ARID1B: variants seen among roughly 807,000 people sequenced by gnomAD.
The protein encoded by ARID1B is AT-rich interactive domain-containing protein 1B.
In ARID1B, 30 loss-of-function variants were observed where a neutral mutation model predicts 212.3. The observed-to-expected ratio is 0.14, with a 90% CI of 0.11 to 0.19. The LOEUF is 0.19. Ranked by LOEUF, ARID1B falls within the 10% of genes least tolerant of loss-of-function variation. The probability of loss-of-function intolerance (pLI) is 1.00; values close to 1 mark genes in which losing one functional copy is unlikely to be tolerated. For synonymous variants in ARID1B, 1,402 were observed against 1,301.7 expected (o/e 1.08, Z -1.66); for missense variants, 2,891 against 3,204.0 (o/e 0.90, Z 2.36).
chr6:156,945,456 C>T (rs1345544939), intron 4 of ARID1B, among the ~76,000 whole-genome samples: 1 of 151,810 alleles, frequency 6.6e-6, no homozygotes, highest in African/African-American at 2.4e-5. Context: ...GCCTGGGGAC[C>T]ACCGAGTGTG....
chr6:156,928,417 T>TTGG (rs908724534), intron 3 of ARID1B, among the ~76,000 whole-genome samples: 5 of 152,112 alleles, frequency 3.3e-5, no homozygotes, highest in African/African-American at 4.8e-5. Flanking sequence ...GCAATCTCAT[T>TTGG]TGGGTGCTCT....
Position 157,148,595 on chromosome 6 carries a change from G to A in ARID1B, c.2762-29G>A. ...ATGTTGTCACAAGTTTAAATAAAAG[G>A]CTTTACTTTGTGTTTGCTTTTTGTT... is the stretch of plus-strand genomic sequence containing the variant. On this transcript the variant is annotated intron_variant, in intron 7 of 19. Coordinates refer to ENST00000636930, the MANE Select transcript of ARID1B (RefSeq NM_001374828.1). This position sits in a 1 kb window ranked among gnomAD's most constrained non-coding sequence, Gnocchi z 5.6. 2 of 1,567,592 alleles carry A rather than the reference G, an allele frequency of 1.3e-6. No homozygotes were observed. The highest frequency in any genetic ancestry group is 1.1e-5 in the South Asian group (1 of 87,394).
At chr6:156,815,360 A>G (rs1378684275) in intron 1 of ARID1B, among the ~76,000 whole-genome samples, 1 of 152,222 alleles carries the variant, frequency 6.6e-6, no homozygotes, top group Admixed American at 6.5e-5. Context: ...TGGTATATTA[A>G]TTCACTTAGC....
At chr6:157,015,238 T>C (rs6913825) in intron 4 of ARID1B, among the ~76,000 whole-genome samples, 68,256 of 152,084 alleles carry the variant, frequency 0.45, 16,104 homozygotes, top group East Asian at 0.66. Flanking sequence ...CAAGGAGAAA[T>C]GGATAAGTCC....
intron 13 of ARID1B, among the ~76,000 whole-genome samples, chr6:157,187,999 C>G (rs1793098945): frequency 6.6e-6 from 1 of 152,112 alleles, no homozygotes; most frequent in African/African-American, 2.4e-5. Flanking sequence ...CAAAAGACGG[C>G]TTTCTTCCTT....
intron 4 of ARID1B, among the ~76,000 whole-genome samples, chr6:157,081,968 G>A (rs1460626572): frequency 6.6e-6 from 1 of 151,764 alleles, no homozygotes; most frequent in Non-Finnish European, 1.5e-5. Flanking sequence ...CCTATTTCCT[G>A]CCTGATGGCT....
intron 4 of ARID1B, among the ~76,000 whole-genome samples, chr6:157,050,331 G>T (rs1296456078): frequency 2.0e-5 from 3 of 152,188 alleles, no homozygotes; most frequent in Non-Finnish European, 4.4e-5. Flanking sequence ...GGGTCATGAG[G>T]TCAGGAGTTT....
At chr6:156,791,493 C>G (rs1265787887) in intron 1 of ARID1B, among the ~76,000 whole-genome samples, 3 of 152,230 alleles carry the variant, frequency 2.0e-5, no homozygotes, top group African/African-American at 7.2e-5. Context: ...TTCTTAACCT[C>G]TTTGACTGAA....
chr6:157,098,771 T>G (rs1180103949), intron 5 of ARID1B, among the ~76,000 whole-genome samples: 1 of 152,188 alleles, frequency 6.6e-6, no homozygotes, highest in East Asian at 1.9e-4. Flanking sequence ...GAGTCGGTCC[T>G]GAGTGGAGTG....
intron 1 of ARID1B, among the ~76,000 whole-genome samples, chr6:156,798,126 C>CGGGGT (rs752563077): frequency 9.9e-5 from 15 of 152,182 alleles, no homozygotes; most frequent in Admixed American, 1.3e-4. Context: ...GGAAGAGGAG[C>CGGGGT]GGGGTGTTTG....
At chr6:156,891,202 G>T (rs1007232864) in intron 2 of ARID1B, among the ~76,000 whole-genome samples, 1 of 152,196 alleles carries the variant, frequency 6.6e-6, no homozygotes, top group African/African-American at 2.4e-5. Context: ...TGTCTCTTAT[G>T]CATGAAAAAT....
chr6:156,961,509 G>A (rs1326400030), intron 4 of ARID1B, among the ~76,000 whole-genome samples: 1 of 152,184 alleles, frequency 6.6e-6, no homozygotes, highest in Non-Finnish European at 1.5e-5. Flanking sequence ...GGTCCGCTGC[G>A]TTGCGCGGGC....
intron 6 of ARID1B, among the ~76,000 whole-genome samples, chr6:157,128,695 T>A (rs1788323373): frequency 6.6e-6 from 1 of 152,172 alleles, no homozygotes; most frequent in Non-Finnish European, 1.5e-5. Flanking sequence ...GATGAAATAC[T>A]TCATATTCAA....
At chr6:157,070,694 A>G (rs1338369999) in intron 4 of ARID1B, among the ~76,000 whole-genome samples, 1 of 152,148 alleles carries the variant, frequency 6.6e-6, no homozygotes, top group Non-Finnish European at 1.5e-5. Context: ...GTGTTTATTT[A>G]CTTACTTATT....
intron 4 of ARID1B, among the ~76,000 whole-genome samples, chr6:156,960,656 G>C (rs1250520269): frequency 6.6e-6 from 1 of 151,974 alleles, no homozygotes; most frequent in African/African-American, 2.4e-5. Context: ...ACTAGTCTTT[G>C]TATTTCATTT....
chr6:156,795,995 C>T (rs1001264153), intron 1 of ARID1B, among the ~76,000 whole-genome samples: 4 of 151,966 alleles, frequency 2.6e-5, no homozygotes, highest in African/African-American at 9.7e-5. Context: ...CTGCTCTGCT[C>T]ATGCCTGTTT....
chr6:156,805,122 C>A (rs972548445), intron 1 of ARID1B, among the ~76,000 whole-genome samples: 1 of 152,216 alleles, frequency 6.6e-6, no homozygotes. Context: ...TTATACTACT[C>A]TGGCAGGAAC....
At chr6:157,117,349 C>G (rs1361031973) in intron 6 of ARID1B, among the ~76,000 whole-genome samples, 1 of 152,174 alleles carries the variant, frequency 6.6e-6, no homozygotes, top group Non-Finnish European at 1.5e-5. Flanking sequence ...CGAATGTTAA[C>G]TGCCTTGGTA....
chr6:156,792,872 G>A (rs1392165069), intron 1 of ARID1B, among the ~76,000 whole-genome samples: 1 of 152,212 alleles, frequency 6.6e-6, no homozygotes, highest in Non-Finnish European at 1.5e-5. Flanking sequence ...TCTGTGTAGG[G>A]AATGTGCTTA....
Sources: allele counts gnomAD v4.1 joint callset (sites outside exome capture counted in the v4.1 genomes callset), GRCh38; gene constraint gnomAD v4.1.1; non-coding constraint Gnocchi (gnomAD v3.1); transcripts MANE v1.5; gene names NCBI Gene and HGNC (gene_info 2026-07-23, HGNC 2026-07-21).